TTC28: variants seen among roughly 807,000 people sequenced by gnomAD.
TTC28 encodes the protein tetratricopeptide repeat protein 28.
A neutral mutation model predicts 198.0 loss-of-function variants in TTC28; 61 were observed. The observed-to-expected ratio is 0.31, with a 90% CI of 0.25 to 0.38. The LOEUF (loss-of-function observed/expected upper bound fraction) is 0.38, where lower values mean the gene tolerates loss of function less well. Ranked by LOEUF, TTC28 falls within the 10% of genes least tolerant of loss-of-function variation. TTC28 has a pLI of 1.00. For synonymous variants in TTC28, 1,171 were observed against 1,297.8 expected, an observed-to-expected ratio of 0.90 and a Z score of 2.10; for missense variants, 2,678 against 3,164.0, an observed-to-expected ratio of 0.85 and a Z score of 3.69.
At chr22:28,553,409 T>G (rs2049727138) in intron 2 of TTC28, among the ~76,000 whole-genome samples, 1 of 139,760 alleles carries the variant, frequency 7.2e-6, no homozygotes, top group South Asian at 2.3e-4. Flanking sequence ...GCCCATCGTC[T>G]GAGATGTGGG....
At chr22:28,351,325 A>G (rs921151041) in intron 2 of TTC28, among the ~76,000 whole-genome samples, 2 of 152,222 alleles carry the variant, frequency 1.3e-5, no homozygotes, top group Admixed American at 1.3e-4. Flanking sequence ...TTATGTGTGT[A>G]AAGAAATGGT....
chr22:28,388,019 G>C (rs1320769720), intron 2 of TTC28, among the ~76,000 whole-genome samples: 3 of 152,242 alleles, frequency 2.0e-5, no homozygotes, highest in African/African-American at 4.8e-5. Context: ...ATTGATTTTT[G>C]TATAAGGTGT....
intron 5 of TTC28, among the ~76,000 whole-genome samples, chr22:28,285,649 T>C (rs914942187): frequency 1.3e-5 from 2 of 152,200 alleles, no homozygotes; most frequent in Non-Finnish European, 2.9e-5. Context: ...AATGTATACA[T>C]ACATAAAACA....
chr22:28,658,066 T>A (rs997816897), intron 1 of TTC28, among the ~76,000 whole-genome samples: 2 of 152,314 alleles, frequency 1.3e-5, no homozygotes, highest in Admixed American at 6.5e-5. Context: ...GCATTTCTAG[T>A]GTCATGATTA....
At chr22:28,595,997 C>T (rs1012925214) in intron 2 of TTC28, among the ~76,000 whole-genome samples, 1 of 152,032 alleles carries the variant, frequency 6.6e-6, no homozygotes, top group African/African-American at 2.4e-5. Flanking sequence ...GCCAAGCTCC[C>T]GACTCTCATG....
intron 12 of TTC28, among the ~76,000 whole-genome samples, chr22:28,085,296 G>C (rs1941539021): frequency 6.6e-6 from 1 of 152,158 alleles, no homozygotes; most frequent in African/African-American, 2.4e-5. Flanking sequence ...AAGCCCATCA[G>C]ACTAACAGCT....
chr22:28,285,488 C>T (rs550413013), intron 5 of TTC28, among the ~76,000 whole-genome samples: 41 of 152,238 alleles, frequency 2.7e-4, no homozygotes, highest in African/African-American at 9.6e-4. Context: ...CTCTAACACA[C>T]AGTATGGTGA....
chr22:28,107,353 C>T lies in TTC28; in HGVS notation c.2492G>A (p.Ser831Asn). Residue 831 changes from serine to asparagine, a missense_variant, in exon 7 of 23, where the codon AGT becomes AAT. Around this residue, in one of 8 missense-constraint regions of TTC28, gnomAD observed 775 missense variants for 845.9 expected, o/e 0.92. Coordinates refer to ENST00000397906, the MANE Select transcript of TTC28 (RefSeq NM_001145418.2). ...GTTGCCATAGACCTGGGCTTCCAGA[C>T]TCGGATCCTTCAGCTTTTGCCCTAG... is the stretch of plus-strand genomic sequence containing the variant. ...LDLGQKLKDPSLEAQVYGNMG... is the reference protein window; with the variant it reads ...LDLGQKLKDPNLEAQVYGNMG... The T allele has an allele frequency of 6.4e-7, 1 of 1,551,946 alleles. No homozygotes were observed. The highest frequency in any genetic ancestry group is 8.7e-7 in the Non-Finnish European group (1 of 1,147,054).
chr22:28,189,562 G>C (rs1601447956), intron 5 of TTC28, among the ~76,000 whole-genome samples: 1 of 137,292 alleles, frequency 7.3e-6, no homozygotes, highest in African/African-American at 2.7e-5. Context: ...TCTACGCAAT[G>C]AAAAAAAAAA....
chr22:28,118,279 A>G lies in TTC28; in HGVS notation c.1442-9876T>C, dbSNP rs1273075853. Among the ~76,000 whole-genome samples, 4 of 152,002 alleles carry G rather than the reference A, an allele frequency of 2.6e-5. No homozygotes were observed. In the East Asian group the frequency reaches 7.7e-4, roughly 29 times the overall value. On this transcript the variant is annotated intron_variant, in intron 6 of 22. Transcript: ENST00000397906. ...CTGGGCATGGTGGCATGCACCTGTA[A>G]TCCCAGCTACTCAGGAGGCTGAGGT...
intron 2 of TTC28, among the ~76,000 whole-genome samples, chr22:28,338,743 AT>A (rs1320740185): frequency 6.6e-6 from 1 of 151,666 alleles, no homozygotes; most frequent in East Asian, 1.9e-4. Flanking sequence ...CATTTGTCTA[AT>A]TTTTTTTCAA....
chr22:28,173,263 G>C (rs773304398), intron 5 of TTC28, among the ~76,000 whole-genome samples: 8 of 152,116 alleles, frequency 5.3e-5, no homozygotes, highest in Non-Finnish European at 1.2e-4. Flanking sequence ...AATAAGCTTA[G>C]ATCTGAAACG....
intron 2 of TTC28, among the ~76,000 whole-genome samples, chr22:28,465,341 C>T (rs895894614): frequency 3.9e-5 from 6 of 152,118 alleles, no homozygotes; most frequent in African/African-American, 1.4e-4. Flanking sequence ...ATGCCTTATC[C>T]TGGGCCGGGC....
At chr22:28,230,434 T>C (rs372073937) in intron 5 of TTC28, among the ~76,000 whole-genome samples, 4 of 152,338 alleles carry the variant, frequency 2.6e-5, no homozygotes, top group South Asian at 2.1e-4. Flanking sequence ...AATCCATTCA[T>C]AGGTGACTAC....
At chr22:28,295,656 C>A (rs890748164) in intron 5 of TTC28, among the ~76,000 whole-genome samples, 6 of 152,138 alleles carry the variant, frequency 3.9e-5, no homozygotes, top group Admixed American at 6.5e-5. Context: ...CAGACAGTCT[C>A]TAATCATGTT....
Position 28,030,237 on chromosome 22 carries a change from G to A in TTC28, c.4062C>T (p.Asn1354=), listed in dbSNP as rs1218288209. 1.3e-6 allele frequency: 2 copies of A among 1,551,600 alleles called. No individual in the cohort carries two copies. The highest frequency in any genetic ancestry group is 1.4e-5 in the African/African-American group (1 of 73,062). The change falls in exon 13 of 23, where the codon AAC becomes AAT. Residue 1354 remains asparagine, a synonymous_variant. Transcript: ENST00000397906. ...TGFLRMVRRN[N]LFNRSCQSMT... The stretch of plus-strand genomic sequence containing the variant: ...CGCCCCACACTCACCTGTTAAACAG[G>A]TTATTGCGGCGAACCATCCGCAGAA...
chr22:28,258,930 T>C (rs1156291935), intron 5 of TTC28, among the ~76,000 whole-genome samples: 1 of 151,314 alleles, frequency 6.6e-6, no homozygotes, highest in Admixed American at 6.6e-5. Flanking sequence ...TGTGTGTGTG[T>C]GTCCTACAAC....
intron 5 of TTC28, among the ~76,000 whole-genome samples, chr22:28,164,341 G>C (rs745439036): frequency 6.6e-6 from 1 of 152,342 alleles, no homozygotes; most frequent in South Asian, 2.1e-4. Flanking sequence ...TGGGCAGACT[G>C]CCTCCTCAAG....
intron 2 of TTC28, among the ~76,000 whole-genome samples, chr22:28,504,159 T>C (rs1038239148): frequency 3.3e-5 from 5 of 152,210 alleles, no homozygotes; most frequent in African/African-American, 9.7e-5. Flanking sequence ...AAAAAAATTA[T>C]TTTCTCTCTC....
Sources: gnomAD v4.1 joint callset for allele counts (sites outside exome capture counted in the v4.1 genomes callset) on GRCh38, gnomAD v4.1.1 for gene constraint, gnomAD v4.1.1 regional missense constraint, MANE v1.5 for transcripts, NCBI Gene and HGNC (gene_info 2026-07-23, HGNC 2026-07-21) for gene names.